Variants in NUDT13 observed in about 807,000 individuals in gnomAD.
The protein encoded by NUDT13 is nudix hydrolase 13.
Under a neutral mutation model 41.7 loss-of-function variants are expected in NUDT13, and 40 were observed. That is an observed-to-expected ratio of 0.96 (90% CI 0.75 to 1.25). The LOEUF is 1.25. Among genes scored for constraint, NUDT13 ranks in the 50% most tolerant of loss-of-function variants. The pLI is 0.00. For synonymous variants in NUDT13, 145 were observed against 155.5 expected, an observed-to-expected ratio of 0.93 and a Z score of 0.50; for missense variants, 390 against 416.1, an observed-to-expected ratio of 0.94 and a Z score of 0.55.
Position 73,110,583 on chromosome 10 carries a change from CAG to C in NUDT13, c.-10+18_-10+19del, listed in dbSNP as rs1842341425. ...AGAATTCAGAGTGAGTACAGTGAAA[CAG>C]AAACCTGCTCAGCTTCTAAGTGCAG... On this transcript the variant is annotated intron_variant, in intron 1 of 8. Transcript: ENST00000357321. 6.6e-6 allele frequency: 1 copy of C among 152,202 alleles called. No individual in the cohort carries two copies. Among genetic ancestry groups the C allele is most frequent in the Non-Finnish European group, 1.5e-5 (1 of 68,030 alleles). The allele number at this position is 152,202 out of a possible 1,614,324, so 9.4% of individuals were successfully genotyped here.
At chr10:73,125,901 G>C (rs1338852419) in intron 7 of NUDT13, among the ~76,000 whole-genome samples, 1 of 151,986 alleles carries the variant, frequency 6.6e-6, no homozygotes, top group Non-Finnish European at 1.5e-5. Context: ...GCCTAGGCCA[G>C]TCCTGAACTC....
At chr10:73,113,117 C>T (rs1842409046) in intron 1 of NUDT13, among the ~76,000 whole-genome samples, 1 of 152,182 alleles carries the variant, frequency 6.6e-6, no homozygotes, top group South Asian at 2.1e-4. Context: ...GAACTCCTGA[C>T]CTCGGGTGAT....
At chr10:73,123,209 A>ATG (rs1824675856) in intron 4 of NUDT13, among the ~76,000 whole-genome samples, 4 of 152,126 alleles carry the variant, frequency 2.6e-5, no homozygotes, top group Admixed American at 2.0e-4. Context: ...CACATTTTGT[A>ATG]TATTTCAGTA....
At chr10:73,112,798 T>C (rs966778149) in intron 1 of NUDT13, among the ~76,000 whole-genome samples, 2 of 152,056 alleles carry the variant, frequency 1.3e-5, no homozygotes, top group Non-Finnish European at 2.9e-5. Flanking sequence ...TCCTCCTTGC[T>C]TTTTTTGTTT....
At chr10:73,129,167 C>CTTTTTTTTTT (rs900393888) in intron 8 of NUDT13, among the ~76,000 whole-genome samples, 2 of 110,192 alleles carry the variant, frequency 1.8e-5, no homozygotes, top group African/African-American at 3.6e-5. Flanking sequence ...AAGACGTTGT[C>CTTTTTTTTTT]TTTTTTTTTT....
intron 6 of NUDT13, 41 bp from the exon 7 acceptor site, chr10:73,125,357 C>A (rs776793764): frequency 6.2e-7 from 1 of 1,609,210 alleles, no homozygotes; most frequent in African/African-American, 1.3e-5. Flanking sequence ...ATTGGCAGGG[C>A]CCAAAGTGCC....
chr10:73,128,764 T>G (rs776012563), intron 8 of NUDT13, among the ~76,000 whole-genome samples: 9 of 152,234 alleles, frequency 5.9e-5, no homozygotes, highest in Non-Finnish European at 1.2e-4. Flanking sequence ...TGTCTATCTT[T>G]GCTTTTCTTG....
At position 73,122,288 on chromosome 10, in the gene NUDT13, G is replaced by C. The variant is rs1243917948; in HGVS notation, c.337G>C (p.Asp113His). ...EAWFALDLGLDSSFSISASLH... is the reference protein window; with the variant it reads ...EAWFALDLGLHSSFSISASLH... ...ATGGTTTGCTCTGGATCTAGGTCTG[G>C]ATAGCTCCTTTTCCATAAGTGGTAC... The change falls in exon 4 of 9, where the codon GAT becomes CAT. Residue 113 changes from aspartate (D) to histidine (H), a missense_variant. Coordinates refer to ENST00000357321, the MANE Select transcript of NUDT13 (RefSeq NM_015901.6). 6.2e-7 allele frequency: 1 copy of C among 1,613,702 alleles called. No individual in the cohort carries two copies. The highest frequency in any genetic ancestry group is 8.5e-7 in the Non-Finnish European group (1 of 1,179,888).
At chr10:73,119,407 G>C in intron 2 of NUDT13, 1 of 673,848 alleles carries the variant, frequency 1.5e-6, no homozygotes, top group Non-Finnish European at 1.8e-6. Flanking sequence ...GATGTCTGAA[G>C]TAAGGGTACA....
chr10:73,112,023 A>T (rs1393459345), intron 1 of NUDT13, among the ~76,000 whole-genome samples: 2 of 152,168 alleles, frequency 1.3e-5, no homozygotes, highest in African/African-American at 4.8e-5. Flanking sequence ...GTCACTCTTT[A>T]ATAGTTTGGT....
At chr10:73,122,860 G>A (rs1842679598) in intron 4 of NUDT13, among the ~76,000 whole-genome samples, 1 of 149,210 alleles carries the variant, frequency 6.7e-6, no homozygotes, top group South Asian at 2.1e-4. Flanking sequence ...AAGATTATAG[G>A]TATGAGCCAC....
intron 1 of NUDT13, among the ~76,000 whole-genome samples, chr10:73,111,586 C>T (rs151255830): frequency 2.0e-5 from 3 of 152,306 alleles, no homozygotes; most frequent in South Asian, 4.1e-4. Context: ...CTTGCCTCAT[C>T]ATTTAGTAGT....
intron 2 of NUDT13, among the ~76,000 whole-genome samples, chr10:73,114,660 C>T (rs1311254137): frequency 1.3e-5 from 2 of 151,108 alleles, no homozygotes; most frequent in Non-Finnish European, 2.9e-5. Flanking sequence ...ACTCCTATGG[C>T]CCTTATTACA....
chr10:73,119,441 T>C, intron 2 of NUDT13: 1 of 971,798 alleles, frequency 1.0e-6, no homozygotes, highest in Non-Finnish European at 1.2e-6. Context: ...TTGTTCTTTA[T>C]CTTCCCTAGA....
chr10:73,123,898 A>C (rs1460505852), intron 4 of NUDT13, among the ~76,000 whole-genome samples: 1 of 152,002 alleles, frequency 6.6e-6, no homozygotes, highest in East Asian at 1.9e-4. Context: ...ACCTCAAGTG[A>C]TTCACCCGCC....
intron 4 of NUDT13, among the ~76,000 whole-genome samples, chr10:73,123,555 G>C (rs1315087061): frequency 6.6e-6 from 1 of 152,148 alleles, no homozygotes; most frequent in Non-Finnish European, 1.5e-5. Context: ...AGAATCACCT[G>C]GTGCTTGTTA....
intron 2 of NUDT13, among the ~76,000 whole-genome samples, chr10:73,116,672 G>A (rs1369205711): frequency 6.6e-6 from 1 of 151,904 alleles, no homozygotes; most frequent in East Asian, 1.9e-4. Context: ...AACCTGGGAG[G>A]TGGAAGTTGC....
chr10:73,125,286 C>T (rs371617520), intron 6 of NUDT13, 43 bp downstream of exon 6: 220 of 1,603,582 alleles, frequency 1.4e-4, no homozygotes, highest in Admixed American at 3.2e-4. Context: ...GAAGACTGTG[C>T]GCTGCTTTGT....
At chr10:73,119,991 A>G (rs749450745) in intron 2 of NUDT13, 27 bp from the exon 3 acceptor site, 1 of 1,612,954 alleles carries the variant, frequency 6.2e-7, no homozygotes, top group African/African-American at 1.3e-5. Context: ...GTGGTTTTGT[A>G]ATGGTTTGAT....
Sources: gnomAD v4.1 joint callset for allele counts (sites outside exome capture counted in the v4.1 genomes callset) on GRCh38, gnomAD v4.1.1 for gene constraint, MANE v1.5 for transcripts, NCBI Gene and HGNC (gene_info 2026-07-23, HGNC 2026-07-21) for gene names.